The following RAB23 variants were observed in gnomAD, a reference collection of about 807,000 sequenced individuals.
RAB23 encodes the protein ras-related protein Rab-23.
RAB23 carries 15 observed loss-of-function variants against 30.0 expected under a neutral mutation model. The observed-to-expected ratio is 0.50, with a 90% CI of 0.33 to 0.77. The LOEUF is 0.77. RAB23 is among the 30% of genes least tolerant of loss of function. The probability of loss-of-function intolerance (pLI) is 0.02; values close to 1 mark genes in which losing one functional copy is unlikely to be tolerated. For missense variants in RAB23, 243 were observed against 275.4 expected, an observed-to-expected ratio of 0.88 and a Z score of 0.83; for synonymous variants, 93 against 94.0, an observed-to-expected ratio of 0.99 and a Z score of 0.06.
At chr6:57,211,363 G>A (rs1262265110) in intron 1 of RAB23, among the ~76,000 whole-genome samples, 1 of 152,150 alleles carries the variant, frequency 6.6e-6, no homozygotes, top group Non-Finnish European at 1.5e-5. Flanking sequence ...AAGAGGCTGA[G>A]GTGGGAGGAT....
intron 4 of RAB23, among the ~76,000 whole-genome samples, chr6:57,195,834 A>G (rs185420510): frequency 1.4e-3 from 217 of 152,340 alleles, no homozygotes; most frequent in Non-Finnish European, 1.0e-3. Flanking sequence ...AAACTGTGAT[A>G]TAATAGATGT....
At chr6:57,205,822 C>T (rs1361248116) in intron 3 of RAB23, among the ~76,000 whole-genome samples, 1 of 152,172 alleles carries the variant, frequency 6.6e-6, no homozygotes, top group Non-Finnish European at 1.5e-5. Context: ...GAGTTTTAAC[C>T]ACGAAAGTGA....
rs45474592 is a variant in RAB23, at chr6:57,210,429, G to A, written c.-49C>T. 5.1e-6 allele frequency: 8 copies of A among 1,557,506 alleles called. No homozygotes were observed. The African/African-American group carries it at 5.4e-5, about 11-fold the overall frequency. On this transcript the variant is annotated 5_prime_UTR_variant, in exon 2 of 7. Coordinates refer to ENST00000468148, the MANE Select transcript of RAB23 (RefSeq NM_016277.5). ...TACCAACTCTAATTCTAGGAGATCA[G>A]ATCTTCCCTCTCAAATCTGTGGTTT...
chr6:57,191,224 G>A (rs1322445939), intron 6 of RAB23, among the ~76,000 whole-genome samples: 1 of 152,042 alleles, frequency 6.6e-6, no homozygotes, highest in Admixed American at 6.6e-5. Context: ...TCACATTAGG[G>A]CTCTTTTTTA....
intron 3 of RAB23, among the ~76,000 whole-genome samples, chr6:57,204,575 A>G (rs1003606315): frequency 6.6e-6 from 1 of 152,192 alleles, no homozygotes; most frequent in Non-Finnish European, 1.5e-5. Context: ...GTATTCAACT[A>G]CTAGCATTCT....
intron 1 of RAB23, among the ~76,000 whole-genome samples, chr6:57,218,207 A>T (rs1297915248): frequency 6.6e-6 from 1 of 152,204 alleles, no homozygotes; most frequent in Admixed American, 6.5e-5. Context: ...ACACTTCCCA[A>T]CTCTTTTTAT....
intron 6 of RAB23, 50 bp downstream of exon 6, chr6:57,193,791 GT>G: frequency 6.3e-7 from 1 of 1,596,430 alleles, no homozygotes; most frequent in East Asian, 2.3e-5. Flanking sequence ...TATTATATGT[GT>G]TTTTTAACTT....
chr6:57,211,194 T>C (rs1356128988), intron 1 of RAB23, among the ~76,000 whole-genome samples: 4 of 152,194 alleles, frequency 2.6e-5, no homozygotes, highest in African/African-American at 9.6e-5. Flanking sequence ...CTCATGCCTA[T>C]AATCCCAGCA....
chr6:57,200,420 C>T (rs1765205858), intron 3 of RAB23, among the ~76,000 whole-genome samples: 2 of 150,814 alleles, frequency 1.3e-5, no homozygotes. Flanking sequence ...ACCTGTAGTC[C>T]CAGCTACTTG....
At chr6:57,194,467 C>T (rs768878079) in intron 5 of RAB23, among the ~76,000 whole-genome samples, 1 of 152,000 alleles carries the variant, frequency 6.6e-6, no homozygotes, top group Non-Finnish European at 1.5e-5. Context: ...AGTTCTAAAA[C>T]AACTGAGTTA....
intron 3 of RAB23, among the ~76,000 whole-genome samples, chr6:57,206,204 C>G (rs1765450606): frequency 6.6e-6 from 1 of 151,966 alleles, no homozygotes; most frequent in Non-Finnish European, 1.5e-5. Context: ...TCCTTGCAAG[C>G]AAATGCTTAC....
intron 3 of RAB23, among the ~76,000 whole-genome samples, chr6:57,204,003 T>C (rs1054157090): frequency 2.0e-5 from 3 of 152,220 alleles, no homozygotes; most frequent in Non-Finnish European, 4.4e-5. Context: ...GTCATTTGTA[T>C]GTTAGTACAA....
At position 57,188,200 on chromosome 6, in the gene RAB23, A is replaced by AAT. The variant is rs1321954867; in HGVS notation, c.*2259_*2260dup. The AAT allele has an allele frequency of 6.6e-6, 1 of 152,164 alleles. No homozygotes were observed. The highest frequency in any genetic ancestry group is 1.5e-5 in the Non-Finnish European group (1 of 68,000). The allele number at this position is 152,164 out of a possible 1,614,324, so 9.4% of individuals were successfully genotyped here. ...TGAAGGGTCTTGGAAAAAAAATGTC[A>AAT]ATTTTTGAAGGCTTTAAGAATTGAT... is the stretch of plus-strand genomic sequence containing the variant. On this transcript the variant is annotated 3_prime_UTR_variant, in exon 7 of 7. Transcript: ENST00000468148.
intron 5 of RAB23, 131 bp from the exon 6 acceptor site, chr6:57,194,065 T>G: frequency 7.4e-7 from 1 of 1,355,530 alleles, no homozygotes; most frequent in Non-Finnish European, 9.9e-7. Context: ...ACAATCTAGT[T>G]AAAAATTCAA....
chr6:57,205,611 A>C (rs983161780), intron 3 of RAB23, among the ~76,000 whole-genome samples: 1 of 152,258 alleles, frequency 6.6e-6, no homozygotes, highest in African/African-American at 2.4e-5. Flanking sequence ...AGGGCCACAG[A>C]AAGTTTCACA....
chr6:57,209,242 T>C (rs1055143197), intron 2 of RAB23, among the ~76,000 whole-genome samples: 22 of 152,338 alleles, frequency 1.4e-4, no homozygotes, highest in Middle Eastern at 3.4e-3. Context: ...TGCTGCTCTA[T>C]ATATGTCCAC....
chr6:57,187,856 C>CTTTA lies in RAB23; in HGVS notation c.*2601_*2604dup, dbSNP rs1764667414. On this transcript the variant is annotated 3_prime_UTR_variant, in exon 7 of 7. Coordinates refer to ENST00000468148, the MANE Select transcript of RAB23 (RefSeq NM_016277.5). Reference sequence around the variant, plus strand: ...TTCATCCTCTTTTTGGTAGTTTTAGCTTTATTTTGAAAAAGTAACGTGTGC... The same window carrying CTTTA: ...TTCATCCTCTTTTTGGTAGTTTTAGCTTTATTTATTTTGAAAAAGTAACGTGTGC... The CTTTA allele has an allele frequency of 6.6e-6, 1 of 151,854 alleles. No individual in the cohort carries two copies. The highest frequency in any genetic ancestry group is 2.4e-5 in the African/African-American group (1 of 41,318). 9.4% of individuals were successfully genotyped at this position (151,854 alleles called of 1,614,324 possible).
At chr6:57,205,161 T>C (rs1386880025) in intron 3 of RAB23, among the ~76,000 whole-genome samples, 1 of 151,342 alleles carries the variant, frequency 6.6e-6, no homozygotes, top group Non-Finnish European at 1.5e-5. Context: ...CACACATATA[T>C]ACACACTATA....
rs1275927090 is a variant in RAB23 at position 57,190,458 on chromosome 6, A to G, written c.*3T>C. The G allele has an allele frequency of 6.2e-7, 1 of 1,614,070 alleles. No homozygotes were observed. The highest frequency in any genetic ancestry group is 1.1e-5 in the South Asian group (1 of 91,086). The stretch of plus-strand genomic sequence containing the variant: ...AATTCAATTGTTTTCCTCCCAAAAC[A>G]TCTTAGGGTATGCTACAGCTGCTAA... On this transcript the variant is annotated 3_prime_UTR_variant, in exon 7 of 7. Transcript: ENST00000468148.
Sources: allele counts gnomAD v4.1 joint callset (sites outside exome capture counted in the v4.1 genomes callset), GRCh38; gene constraint gnomAD v4.1.1; transcripts MANE v1.5; gene names NCBI Gene and HGNC (gene_info 2026-07-23, HGNC 2026-07-21).